AACS: variants seen among roughly 807,000 people sequenced by gnomAD.
AACS encodes acetoacetyl-CoA synthetase, also known as acetoacetate-CoA ligase.
In AACS, 69 loss-of-function variants were observed where a neutral mutation model predicts 83.1. The ratio of observed to expected loss-of-function variants is 0.83; its 90% confidence interval spans 0.68 to 1.01. AACS has a LOEUF of 1.01. Among genes scored for constraint, AACS ranks in the 50% least tolerant of loss-of-function variants. The pLI, the probability that AACS is intolerant of heterozygous loss-of-function variation, is 0.00. For missense variants in AACS, 866 were observed against 882.2 expected (o/e 0.98, Z 0.23); for synonymous variants, 333 against 343.4 (o/e 0.97, Z 0.33).
chr12:125,118,543 A>T, intron 9 of AACS, 98 bp from the exon 10 acceptor site: 14 of 1,533,556 alleles, frequency 9.1e-6, no homozygotes, highest in Non-Finnish European at 1.2e-5. Flanking sequence ...CTGTGGCTCC[A>T]TCTTAGGTGG....
intron 3 of AACS, among the ~76,000 whole-genome samples, chr12:125,078,897 G>C (rs576212713): frequency 6.8e-6 from 1 of 146,354 alleles, no homozygotes; most frequent in Non-Finnish European, 1.5e-5. Flanking sequence ...CTGATGTTCC[G>C]GGGGGCAAAG....
At chr12:125,111,270 C>T (rs373959210) in intron 8 of AACS, among the ~76,000 whole-genome samples, 6 of 134,866 alleles carry the variant, frequency 4.4e-5, no homozygotes, top group African/African-American at 1.1e-4. Flanking sequence ...AGTGAGCCAC[C>T]GAGATGAGCA....
rs1404932953 is a variant in AACS at position 125,097,493 on chromosome 12, C to T, written c.571-5186C>T. 6.6e-6 allele frequency among the ~76,000 whole-genome samples: 1 copy of T among 151,216 alleles called. No individual in the cohort carries two copies. Among genetic ancestry groups the T allele is most frequent in the Non-Finnish European group, 1.5e-5 (1 of 67,892 alleles). On this transcript the variant is annotated intron_variant, in intron 5 of 17. Coordinates refer to ENST00000316519, the MANE Select transcript of AACS (RefSeq NM_023928.5). This position sits in a 1 kb window ranked among gnomAD's most constrained non-coding sequence, Gnocchi z 4.3. Reference sequence around the variant, plus strand: ...CAAGGGCGTCTCTGTAATAATGTCACAGTCATTCCCTTGTCCCCCACCCGC... The same window carrying T: ...CAAGGGCGTCTCTGTAATAATGTCATAGTCATTCCCTTGTCCCCCACCCGC...
Position 125,134,789 on chromosome 12 carries a change from T to C in AACS, c.1620-5T>C. 8 of 1,614,132 alleles carry C rather than the reference T, an allele frequency of 5.0e-6. No homozygotes were observed. The highest frequency in any genetic ancestry group is 5.9e-6 in the Non-Finnish European group (7 of 1,180,016). On this transcript the variant is annotated splice_polypyrimidine_tract_variant and splice_region_variant and intron_variant, in intron 15 of 17. Transcript: ENST00000316519. The stretch of plus-strand genomic sequence containing the variant: ...GTGTGGCCCTGACCTCTTCTCTCTT[T>C]CCAGTGACGGCACCCTCAACCCCAA...
chr12:125,112,510 C>G (rs1369722079), intron 8 of AACS, among the ~76,000 whole-genome samples: 1 of 151,894 alleles, frequency 6.6e-6, no homozygotes, highest in Non-Finnish European at 1.5e-5. Context: ...GAAACCCTGT[C>G]TCTCCTGAAA....
intron 5 of AACS, among the ~76,000 whole-genome samples, chr12:125,100,169 A>G (rs1447552063): frequency 6.6e-6 from 1 of 151,988 alleles, no homozygotes; most frequent in Non-Finnish European, 1.5e-5. Flanking sequence ...GTGCCCTGCT[A>G]ATTTAATAAA....
At chr12:125,118,522 T>G in intron 9 of AACS, 119 bp from the exon 10 acceptor site, 1 of 1,407,292 alleles carries the variant, frequency 7.1e-7, no homozygotes, top group Non-Finnish European at 9.6e-7. Context: ...AAATGGGAAG[T>G]TAGCACCAAC....
At chr12:125,116,414 T>C (rs1188058544) in intron 9 of AACS, among the ~76,000 whole-genome samples, 7 of 152,190 alleles carry the variant, frequency 4.6e-5, no homozygotes, top group Non-Finnish European at 1.0e-4. Context: ...GCAGTTAGAT[T>C]TTTCCTGGAG....
In AACS at chr12:125,080,555, G is replaced by A. The variant is rs550973352; in HGVS notation, c.358+3944G>A. Among the ~76,000 whole-genome samples, 265 of 151,808 alleles carry A rather than the reference G, an allele frequency of 1.7e-3. No homozygotes were observed. The Middle Eastern group carries it at 0.024, about 14-fold the overall frequency. On this transcript the variant is annotated intron_variant, in intron 3 of 17. Transcript: ENST00000316519. ...ATTTTTTTAAACCCGGCCCTGTCTCGAGGGTGGGTTATAATTCTGTGTCTG... is the reference window on the plus strand; with the variant it reads ...ATTTTTTTAAACCCGGCCCTGTCTCAAGGGTGGGTTATAATTCTGTGTCTG...
intron 4 of AACS, among the ~76,000 whole-genome samples, chr12:125,090,836 C>T (rs1452282158): frequency 6.6e-6 from 1 of 152,246 alleles, no homozygotes; most frequent in Non-Finnish European, 1.5e-5. Context: ...AAGTCCCAGC[C>T]CTCATGTGAG....
At chr12:125,091,193 C>T in intron 4 of AACS, 2 of 547,298 alleles carry the variant, frequency 3.7e-6, no homozygotes, top group East Asian at 3.2e-5. Context: ...GGGAGGAGAG[C>T]CCACGGGGTC....
intron 4 of AACS, among the ~76,000 whole-genome samples, chr12:125,090,197 C>T (rs111263702): frequency 0.32 from 1,259 of 3,976 alleles, 355 homozygotes; most frequent in Middle Eastern, 0.5. Flanking sequence ...TCCATCTACC[C>T]ATTTACCCAT....
At chr12:125,139,898 T>C (rs1462100351) in intron 17 of AACS, 2 of 152,184 alleles carry the variant, frequency 1.3e-5, no homozygotes, top group Non-Finnish European at 2.9e-5. Flanking sequence ...GGTGAGTGAA[T>C]GGGGGGTGGG....
chr12:125,066,350 C>A (rs1955693756), intron 1 of AACS, among the ~76,000 whole-genome samples: 1 of 151,846 alleles, frequency 6.6e-6, no homozygotes. Flanking sequence ...GCTCCTTCTC[C>A]GTGGGGTAAC....
intron 5 of AACS, among the ~76,000 whole-genome samples, chr12:125,096,704 C>T (rs772999730): frequency 3.3e-5 from 5 of 152,032 alleles, no homozygotes; most frequent in Non-Finnish European, 7.3e-5. Flanking sequence ...ACACCCAAGT[C>T]CCAGCAGGAC....
chr12:125,085,362 A>T (rs922313779), intron 3 of AACS, among the ~76,000 whole-genome samples: 2 of 151,992 alleles, frequency 1.3e-5, no homozygotes, highest in African/African-American at 4.8e-5. Context: ...TCGTGGAACC[A>T]CGCACGTGCA....
Position 125,114,574 on chromosome 12 carries a change from G to GTGC in AACS, c.996+20_996+22dup. ...TACACCACGGTAAGGGCTTCCCCAG[G>GTGC]TGCTGGCCTGTGCTATACCACAATA... On this transcript the variant is annotated intron_variant, in intron 9 of 17. Coordinates refer to ENST00000316519, the MANE Select transcript of AACS (RefSeq NM_023928.5). The GTGC allele has an allele frequency of 6.2e-7, 1 of 1,607,174 alleles. No homozygotes were observed. Among genetic ancestry groups the GTGC allele is most frequent in the Non-Finnish European group, 8.5e-7 (1 of 1,176,322 alleles).
intron 8 of AACS, 53 bp from the exon 9 acceptor site, chr12:125,114,424 C>G: frequency 6.6e-7 from 1 of 1,512,852 alleles, no homozygotes; most frequent in Admixed American, 1.7e-5. Context: ...TACCAGATTC[C>G]TGGTACTGTA....
In AACS at chr12:125,065,472, C is replaced by T; in HGVS notation, c.-113C>T. On this transcript the variant is annotated 5_prime_UTR_variant, in exon 1 of 18. Coordinates refer to ENST00000316519, the MANE Select transcript of AACS (RefSeq NM_023928.5). The stretch of plus-strand genomic sequence containing the variant: ...CCCGCCGCCGCCGTCGCTGACCCAG[C>T]CCGCCAGGCGCTCCTGACCGTCGCT... 5.9e-6 allele frequency: 7 copies of T among 1,196,530 alleles called. No individual in the cohort carries two copies. The highest frequency in any genetic ancestry group is 7.6e-6 in the Non-Finnish European group (7 of 919,420). The allele number at this position is 1,196,530 out of a possible 1,614,324, so 74.1% of individuals were successfully genotyped here. A position where few individuals can be genotyped will look rare whatever the true frequency, so the allele number is the denominator to read the frequency against.
Sources: allele counts gnomAD v4.1 joint callset (sites outside exome capture counted in the v4.1 genomes callset), GRCh38; gene constraint gnomAD v4.1.1; non-coding constraint Gnocchi (gnomAD v3.1); transcripts MANE v1.5; gene names NCBI Gene and HGNC (gene_info 2026-07-23, HGNC 2026-07-21).